COG5: variants seen among roughly 807,000 people sequenced by gnomAD.
The protein encoded by COG5 is conserved oligomeric Golgi complex subunit 5.
Under a neutral mutation model 110.4 loss-of-function variants are expected in COG5, and 86 were observed. The ratio of observed to expected loss-of-function variants is 0.78; its 90% confidence interval spans 0.65 to 0.93. COG5 has a LOEUF of 0.93. Ranked by LOEUF, COG5 falls within the 40% of genes least tolerant of loss-of-function variation. The probability of loss-of-function intolerance (pLI) is 0.00; values close to 1 mark genes in which losing one functional copy is unlikely to be tolerated. For missense variants in COG5, 1,077 were observed against 987.0 expected (o/e 1.09, Z -1.22); for synonymous variants, 360 against 334.6 (o/e 1.08, Z -0.83).
At chr7:107,406,711 A>G (rs1217083529) in intron 7 of COG5, among the ~76,000 whole-genome samples, 2 of 152,178 alleles carry the variant, frequency 1.3e-5, no homozygotes, top group Non-Finnish European at 2.9e-5. Flanking sequence ...ATTGAAGATA[A>G]TATTTTGGTT....
chr7:107,549,112 C>T (rs1023465011), intron 3 of COG5: 1 of 152,120 alleles, frequency 6.6e-6, no homozygotes, highest in African/African-American at 2.4e-5. Flanking sequence ...CAATAGAATC[C>T]TCTCTGAACC....
intron 14 of COG5, among the ~76,000 whole-genome samples, chr7:107,277,444 CA>C (rs993849997): frequency 1.3e-5 from 2 of 151,992 alleles, no homozygotes; most frequent in African/African-American, 4.8e-5. Context: ...CTAAAAAAAA[CA>C]AGAGAACAAC....
At chr7:107,427,891 CAG>C (rs759997397) in intron 6 of COG5, among the ~76,000 whole-genome samples, 7 of 152,104 alleles carry the variant, frequency 4.6e-5, no homozygotes, top group Non-Finnish European at 7.4e-5. Context: ...CAGCTCTCAG[CAG>C]AGAGGGGATA....
chr7:107,444,614 C>T (rs1451202998), intron 6 of COG5, among the ~76,000 whole-genome samples: 1 of 152,140 alleles, frequency 6.6e-6, no homozygotes, highest in Admixed American at 6.5e-5. Flanking sequence ...TTTTTGAATA[C>T]TGATCATATT....
intron 18 of COG5, among the ~76,000 whole-genome samples, chr7:107,230,915 TAA>T (rs60826700): frequency 1.3e-5 from 2 of 150,438 alleles, no homozygotes; most frequent in African/African-American, 2.4e-5. Flanking sequence ...TTCATGAAAA[TAA>T]AAAAAAAACA....
intron 6 of COG5, among the ~76,000 whole-genome samples, chr7:107,428,917 G>C (rs1032153717): frequency 3.3e-5 from 5 of 152,106 alleles, no homozygotes; most frequent in African/African-American, 7.2e-5. Flanking sequence ...CATAATGAAT[G>C]AATATGCTTA....
chr7:107,552,816 T>C (rs530853576), intron 3 of COG5, among the ~76,000 whole-genome samples: 36 of 152,318 alleles, frequency 2.4e-4, no homozygotes, highest in African/African-American at 8.4e-4. Context: ...CATGCACTTG[T>C]ATGTTCATCA....
chr7:107,424,761 T>A (rs1436618683), intron 6 of COG5, among the ~76,000 whole-genome samples: 1 of 152,194 alleles, frequency 6.6e-6, no homozygotes. Context: ...TAAACCAGGC[T>A]GTCCCCTATC....
intron 6 of COG5, among the ~76,000 whole-genome samples, chr7:107,439,076 C>A (rs927331684): frequency 3.9e-5 from 6 of 152,068 alleles, no homozygotes; most frequent in Non-Finnish European, 8.8e-5. Context: ...TGTGTTCAAC[C>A]CAATTTCTGC....
At chr7:107,513,353 A>G (rs1799680499) in intron 6 of COG5, among the ~76,000 whole-genome samples, 1 of 151,988 alleles carries the variant, frequency 6.6e-6, no homozygotes, top group African/African-American at 2.4e-5. Context: ...ATGAGATACC[A>G]TCTCACACCA....
rs772024182 is a variant in COG5, at chr7:107,211,132, C to G, written c.2262G>C (p.Thr754=). ...GAGATTTCAGTTCAGCGGGTGCTCT[C>G]GTGAACAAAAACTGAATAATGATGC... ...PFSIIIQFLF[T]RAPAELKSPF... Residue 754 remains threonine (T), a synonymous_variant, in exon 20 of 22, where the codon ACG becomes ACC. Transcript: ENST00000297135. 1.9e-6 allele frequency: 3 copies of G among 1,613,900 alleles called. No individual in the cohort carries two copies. The highest frequency in any genetic ancestry group is 3.3e-5 in the Admixed American group (2 of 59,996).
At chr7:107,347,727 A>T (rs917787734) in intron 10 of COG5, among the ~76,000 whole-genome samples, 1 of 152,236 alleles carries the variant, frequency 6.6e-6, no homozygotes, top group African/African-American at 2.4e-5. Context: ...AAAACATTTT[A>T]AAACTTAAAA....
intron 11 of COG5, among the ~76,000 whole-genome samples, chr7:107,303,842 G>C (rs977433876): frequency 6.6e-6 from 1 of 152,088 alleles, no homozygotes; most frequent in South Asian, 2.1e-4. Flanking sequence ...TACACCTACT[G>C]TACATTCTGA....
intron 6 of COG5, among the ~76,000 whole-genome samples, chr7:107,459,067 C>T (rs1584851538): frequency 6.6e-6 from 1 of 151,684 alleles, no homozygotes; most frequent in African/African-American, 2.4e-5. Context: ...ATGGAACAAA[C>T]AGAACAAATG....
At chr7:107,419,379 T>C (rs1396110832) in intron 6 of COG5, among the ~76,000 whole-genome samples, 2 of 152,126 alleles carry the variant, frequency 1.3e-5, no homozygotes, top group South Asian at 2.1e-4. Context: ...AATACAATGC[T>C]TATTCCAACT....
intron 6 of COG5, among the ~76,000 whole-genome samples, chr7:107,515,152 T>G (rs1193949940): frequency 1.3e-5 from 2 of 152,202 alleles, no homozygotes; most frequent in Non-Finnish European, 2.9e-5. Context: ...CATGAAGGTA[T>G]GGTCTGGTTA....
intron 14 of COG5, among the ~76,000 whole-genome samples, chr7:107,264,651 C>T (rs1407012718): frequency 6.6e-6 from 1 of 152,130 alleles, no homozygotes; most frequent in Non-Finnish European, 1.5e-5. Flanking sequence ...TAAGATCACA[C>T]CACTGTACTC....
At chr7:107,362,285 T>C (rs1452409953) in intron 9 of COG5, 23 bp downstream of exon 9, 2 of 1,564,150 alleles carry the variant, frequency 1.3e-6, no homozygotes, top group South Asian at 1.1e-5. Flanking sequence ...ATTAATGTTT[T>C]TTCCACTCCT....
chr7:107,392,489 A>C (rs1393089949), intron 7 of COG5, among the ~76,000 whole-genome samples: 3 of 152,182 alleles, frequency 2.0e-5, no homozygotes, highest in African/African-American at 4.8e-5. Flanking sequence ...TTTTTTCCAA[A>C]TAACAATGCT....
Sources: gnomAD v4.1 joint callset for allele counts (sites outside exome capture counted in the v4.1 genomes callset) on GRCh38, gnomAD v4.1.1 for gene constraint, MANE v1.5 for transcripts, NCBI Gene and HGNC (gene_info 2026-07-23, HGNC 2026-07-21) for gene names.